PGBD2: variants seen among roughly 807,000 people sequenced by gnomAD.
The protein encoded by PGBD2 is piggyBac transposable element-derived protein 2.
Under a neutral mutation model 8.1 loss-of-function variants are expected in PGBD2, and 6 were observed. The ratio of observed to expected loss-of-function variants is 0.74; its 90% CI spans 0.40 to 1.46. The LOEUF (loss-of-function observed/expected upper bound fraction) is 1.46, where lower values mean the gene tolerates loss of function less well. Among genes scored for constraint, PGBD2 ranks in the 40% most tolerant of loss-of-function variants. The pLI is 0.02. For missense variants in PGBD2, 802 were observed against 739.0 expected (o/e 1.09, Z -0.99); for synonymous variants, 318 against 272.2 (o/e 1.17, Z -1.66).
chr1:248,890,934 C>T, the PGBD2 span, among the ~76,000 whole-genome samples: 1 of 151,438 alleles, frequency 6.6e-6, no homozygotes, highest in Non-Finnish European at 1.5e-5. Flanking sequence ...CACACCTCCC[C>T]ACCCCCGACA....
the PGBD2 span, among the ~76,000 whole-genome samples, chr1:248,897,382 T>C: frequency 6.6e-6 from 1 of 151,930 alleles, no homozygotes; most frequent in Non-Finnish European, 1.5e-5. Flanking sequence ...GACCCTGTCT[T>C]CTTTGTTTGG....
At chr1:248,907,032 A>G (rs1437598219) in intron 1 of PGBD2, among the ~76,000 whole-genome samples, 1 of 152,062 alleles carries the variant, frequency 6.6e-6, no homozygotes, top group Non-Finnish European at 1.5e-5. Context: ...GGCCCAGGGG[A>G]CCGGCACTCA....
chr1:248,874,237 G>A, the PGBD2 span, among the ~76,000 whole-genome samples: 21,681 of 152,128 alleles, frequency 0.14, 1,846 homozygotes, highest in East Asian at 0.36. Context: ...GCTAAATGAC[G>A]CATCATGTCT....
the PGBD2 span, among the ~76,000 whole-genome samples, chr1:248,893,484 G>C: frequency 6.6e-6 from 1 of 152,130 alleles, no homozygotes; most frequent in Admixed American, 6.5e-5. Flanking sequence ...CTGTCGTACT[G>C]TAACTGACTT....
At chr1:248,890,826 A>G in the PGBD2 span, among the ~76,000 whole-genome samples, 1 of 150,114 alleles carries the variant, frequency 6.7e-6, no homozygotes, top group South Asian at 2.1e-4. Context: ...AACATACACC[A>G]CACACACCCA....
the PGBD2 span, among the ~76,000 whole-genome samples, chr1:248,878,753 G>C: frequency 6.6e-6 from 1 of 152,154 alleles, no homozygotes; most frequent in South Asian, 2.1e-4. Flanking sequence ...TAGTTTCCTG[G>C]TTACTTTCAA....
chr1:248,878,113 G>A, the PGBD2 span, among the ~76,000 whole-genome samples: 1 of 152,138 alleles, frequency 6.6e-6, no homozygotes, highest in Non-Finnish European at 1.5e-5. Context: ...GTTCTGTTGG[G>A]AGATCATGTT....
rs1229109775 is a variant in PGBD2 at position 248,918,398 on chromosome 1, A to T, written c.*35A>T. ...ACATGCTTCTTTGGTTTATAATGAG[A>T]TGTTTACAGTTAAATACAGATGGCA... is the stretch of plus-strand genomic sequence containing the variant. On this transcript the variant is annotated 3_prime_UTR_variant, in exon 3 of 3. Transcript: ENST00000329291. The T allele has an allele frequency of 6.6e-7, 1 of 1,513,324 alleles. No individual in the cohort carries two copies. Among genetic ancestry groups the T allele is most frequent in the East Asian group, 2.3e-5 (1 of 43,950 alleles). The allele number at this position is 1,513,324 out of a possible 1,614,324, so 93.7% of individuals were successfully genotyped here.
rs1210786164 is a variant in PGBD2 at position 248,916,878 on chromosome 1, C to G, written c.294C>G (p.Ala98=). 1 of 1,614,022 alleles carries G rather than the reference C, an allele frequency of 6.2e-7. No individual in the cohort carries two copies. The highest frequency in any genetic ancestry group is 1.1e-5 in the South Asian group (1 of 91,066). ...ATGACGACCTGGAGCTGCAGCCAGCCAAGAAGAGGCAGAAAGCAGTTGTGA... is the reference window on the plus strand; with the variant it reads ...ATGACGACCTGGAGCTGCAGCCAGCGAAGAAGAGGCAGAAAGCAGTTGTGA... ...EDNDDLELQP[A]KKRQKAVVKP... The change falls in exon 3 of 3, where the codon GCC becomes GCG. Residue 98 remains alanine (A), a synonymous_variant. Transcript: ENST00000329291.
At chr1:248,923,402 C>G (rs1421246442), downstream of PGBD2, among the ~76,000 whole-genome samples, 2 of 152,030 alleles carry the variant, frequency 1.3e-5, no homozygotes, top group Non-Finnish European at 2.9e-5. Context: ...TTCAAAAAAC[C>G]AGCTCCTGGA....
chr1:248,928,297 A>G, the PGBD2 span, among the ~76,000 whole-genome samples: 1 of 152,332 alleles, frequency 6.6e-6, no homozygotes, highest in South Asian at 2.1e-4. Flanking sequence ...GCACACAGCA[A>G]CAGACAATGC....
rs1444407315 is a variant in PGBD2, at chr1:248,906,352, A to C, written c.-48+10A>C. 2 of 152,020 alleles carry C rather than the reference A, an allele frequency of 1.3e-5. No individual in the cohort carries two copies. Among genetic ancestry groups the C allele is most frequent in the African/African-American group, 4.8e-5 (2 of 41,454 alleles). The allele number at this position is 152,020 out of a possible 1,614,324, so 9.4% of individuals were successfully genotyped here. On this transcript the variant is annotated intron_variant, in intron 1 of 2. Coordinates refer to ENST00000329291, the MANE Select transcript of PGBD2 (RefSeq NM_170725.3). Reference sequence around the variant, plus strand: ...GTCTGGGGTAGGGCAGGTAGGCCTCAGTGTGCTCGCGCTGCAGGCAGGGCT... The same window carrying C: ...GTCTGGGGTAGGGCAGGTAGGCCTCCGTGTGCTCGCGCTGCAGGCAGGGCT...
At chr1:248,914,211 A>G (rs1662012176) in intron 2 of PGBD2, among the ~76,000 whole-genome samples, 1 of 152,142 alleles carries the variant, frequency 6.6e-6, no homozygotes, top group African/African-American at 2.4e-5. Context: ...CTGGGGTTTG[A>G]ACAGTCATGT....
At chr1:248,878,124 G>C in the PGBD2 span, among the ~76,000 whole-genome samples, 2 of 151,444 alleles carry the variant, frequency 1.3e-5, no homozygotes, top group African/African-American at 2.4e-5. Context: ...AGATCATGTT[G>C]TCATTTAGTT....
In PGBD2 at chr1:248,918,259, A is replaced by C; in HGVS notation, c.1675A>C (p.Lys559Gln). The change falls in exon 3 of 3, where the codon AAG (lysine) becomes CAG (glutamine). Residue 559 changes from lysine (K) to glutamine (Q), a missense_variant. Physicochemically the swap from Lys to Gln is moderately conservative, Grantham distance 53. Coordinates refer to ENST00000329291, the MANE Select transcript of PGBD2 (RefSeq NM_170725.3). Reference protein sequence around the residue: ...MIGHWIIHQDKRTRCALCHSQ... With the variant: ...MIGHWIIHQDQRTRCALCHSQ... ...TGGGCACTGGATTATCCATCAGGAC[A>C]AGAGGACCCGGTGTGCCCTCTGCCA... 1 of 1,613,262 alleles carries C rather than the reference A, an allele frequency of 6.2e-7. No individual in the cohort carries two copies. The highest frequency in any genetic ancestry group is 8.5e-7 in the Non-Finnish European group (1 of 1,179,492).
chr1:248,914,762 T>G (rs1479971915), intron 2 of PGBD2, among the ~76,000 whole-genome samples: 1 of 152,184 alleles, frequency 6.6e-6, no homozygotes, highest in African/African-American at 2.4e-5. Context: ...GTTCCATGGT[T>G]CACCCCCACC....
Position 248,916,875 on chromosome 1 carries a change from A to C in PGBD2, c.291A>C (p.Pro97=), listed in dbSNP as rs1330007999. The change falls in exon 3 of 3, where the codon CCA becomes CCC. Residue 97 remains proline (P), a synonymous_variant. Transcript: ENST00000329291. ...GEDNDDLELQ[P]AKKRQKAVVK... is the part of the protein sequence containing the mutation. Reference sequence around the variant, plus strand: ...ATAATGACGACCTGGAGCTGCAGCCAGCCAAGAAGAGGCAGAAAGCAGTTG... The same window carrying C: ...ATAATGACGACCTGGAGCTGCAGCCCGCCAAGAAGAGGCAGAAAGCAGTTG... 6.2e-7 allele frequency: 1 copy of C among 1,614,144 alleles called. No individual in the cohort carries two copies. The highest frequency in any genetic ancestry group is 8.5e-7 in the Non-Finnish European group (1 of 1,180,040).
chr1:248,912,582 T>A (rs1283212985), intron 1 of PGBD2: 6 of 152,190 alleles, frequency 3.9e-5, no homozygotes, highest in African/African-American at 1.4e-4. Flanking sequence ...CTCCAAAATA[T>A]TTCAAACATA....
intron 1 of PGBD2, among the ~76,000 whole-genome samples, chr1:248,913,108 C>T (rs905343198): frequency 6.6e-6 from 1 of 152,050 alleles, no homozygotes; most frequent in Non-Finnish European, 1.5e-5. Flanking sequence ...GGCCAGAGCA[C>T]TCAGATTTTA....
Sources: gnomAD v4.1 joint callset for allele counts (sites outside exome capture counted in the v4.1 genomes callset) on GRCh38, gnomAD v4.1.1 for gene constraint, MANE v1.5 for transcripts, NCBI Gene and HGNC (gene_info 2026-07-23, HGNC 2026-07-21) for gene names.